The following IKBKB-DT variants were observed in gnomAD, a reference collection of about 807,000 sequenced individuals.
IKBKB-DT encodes IKBKB antisense RNA.
Position 42,262,691 on chromosome 8 carries a change from G to A in IKBKB-DT, n.1529+638C>T, listed in dbSNP as rs562409478. On this transcript the variant is annotated intron_variant and non_coding_transcript_variant, in intron 3 of 3. Transcript: ENST00000518213. ...CCTGACCTCGTGATCCGCCCGCCTC[G>A]GCCTCCCAAAGTGCTGGGATTACAG... Among the ~76,000 whole-genome samples, 11 of 151,900 alleles carry A rather than the reference G, an allele frequency of 7.2e-5. No individual in the cohort carries two copies. The East Asian group carries it at 1.6e-3, about 21-fold the overall frequency.
intron 3 of IKBKB-DT, among the ~76,000 whole-genome samples, chr8:42,257,643 C>G (rs1807223539): frequency 1.3e-5 from 2 of 150,316 alleles, no homozygotes; most frequent in South Asian, 4.2e-4. Context: ...GTCAAAAATG[C>G]CAAAAGACGG....
At chr8:42,239,897 C>T (rs1585459696) in intron 3 of IKBKB-DT, among the ~76,000 whole-genome samples, 1 of 151,566 alleles carries the variant, frequency 6.6e-6, no homozygotes, top group South Asian at 2.1e-4. Flanking sequence ...GCTCAGCCTC[C>T]CAAAGTGTTG....
chr8:42,266,198 G>A (rs1807366683), exon 2 of IKBKB-DT: 1 of 152,484 alleles, frequency 6.6e-6, no homozygotes, highest in Non-Finnish European at 1.5e-5. Context: ...AATCAGATGG[G>A]TCATGAAAGA....
intron 3 of IKBKB-DT, among the ~76,000 whole-genome samples, chr8:42,247,384 T>C (rs1807077225): frequency 6.6e-6 from 1 of 152,236 alleles, no homozygotes; most frequent in Non-Finnish European, 1.5e-5. Context: ...ATTTGCCCAA[T>C]GCCTGTACCT....
chr8:42,247,207 T>G (rs1316739533), intron 3 of IKBKB-DT, among the ~76,000 whole-genome samples: 1 of 152,068 alleles, frequency 6.6e-6, no homozygotes, highest in Non-Finnish European at 1.5e-5. Context: ...GCCACAGGGG[T>G]GGAGCTGCCC....
At chr8:42,237,926 G>A (rs13250110) in intron 3 of IKBKB-DT, among the ~76,000 whole-genome samples, 1 of 150,130 alleles carries the variant, frequency 6.7e-6, no homozygotes, top group Non-Finnish European at 1.5e-5. Context: ...TCCAGAGGCT[G>A]AGGTGGGAGG....
chr8:42,251,685 G>A (rs1168515603), intron 3 of IKBKB-DT, among the ~76,000 whole-genome samples: 1 of 152,044 alleles, frequency 6.6e-6, no homozygotes, highest in Admixed American at 6.6e-5. Flanking sequence ...ACAAAAATTA[G>A]CCAGGCATGG....
chr8:42,257,820 A>G (rs1442531381), intron 3 of IKBKB-DT, among the ~76,000 whole-genome samples: 1 of 152,142 alleles, frequency 6.6e-6, no homozygotes, highest in Non-Finnish European at 1.5e-5. Flanking sequence ...CAAAAGACTA[A>G]ATTTTTTGAT....
chr8:42,245,083 A>G (rs1008004794), intron 3 of IKBKB-DT, among the ~76,000 whole-genome samples: 20 of 151,528 alleles, frequency 1.3e-4, no homozygotes, highest in African/African-American at 3.9e-4. Context: ...CCCCGTCTCT[A>G]CTAAAATACA....
intron 1 of IKBKB-DT, among the ~76,000 whole-genome samples, chr8:42,268,941 C>T (rs1807421269): frequency 6.6e-6 from 1 of 152,148 alleles, no homozygotes; most frequent in Non-Finnish European, 1.5e-5. Flanking sequence ...AGTCACTATT[C>T]TACGTGTGTT....
At position 42,248,385 on chromosome 8, in the gene IKBKB-DT, T is replaced by A. The variant is rs111307504; in HGVS notation, n.1530-14526A>T. Among the ~76,000 whole-genome samples, 1,260 of 152,060 alleles carry A rather than the reference T, an allele frequency of 8.3e-3. 10 individuals are homozygous for A. Among genetic ancestry groups the A allele is most frequent in the Non-Finnish European group, 0.013 (866 of 67,988 alleles). ...CTGTCTTAGAGTATTGATACTACCA[T>A]TTGTTGTTCTGGCCATTTTTGCCAA... On this transcript the variant is annotated intron_variant and non_coding_transcript_variant, in intron 3 of 3. Coordinates refer to ENST00000518213, the Ensembl canonical transcript of IKBKB-DT.
intron 3 of IKBKB-DT, among the ~76,000 whole-genome samples, chr8:42,248,656 G>A (rs899071365): frequency 3.9e-5 from 6 of 151,966 alleles, no homozygotes; most frequent in African/African-American, 9.7e-5. Context: ...CAAGGCAGGC[G>A]GATCATGAGG....
chr8:42,256,080 T>C (rs563906414), intron 3 of IKBKB-DT, among the ~76,000 whole-genome samples: 20 of 151,490 alleles, frequency 1.3e-4, no homozygotes, highest in Non-Finnish European at 2.9e-4. Context: ...TGAGTAGTCA[T>C]GAAAATAAGA....
intron 3 of IKBKB-DT, among the ~76,000 whole-genome samples, chr8:42,253,924 G>T (rs925011233): frequency 2.0e-5 from 3 of 152,212 alleles, no homozygotes; most frequent in Non-Finnish European, 2.9e-5. Context: ...AAGGAAGGAG[G>T]AGGTAACGTG....
chr8:42,261,193 G>C (rs1024433426), intron 3 of IKBKB-DT, among the ~76,000 whole-genome samples: 1 of 152,060 alleles, frequency 6.6e-6, no homozygotes, highest in Non-Finnish European at 1.5e-5. Context: ...TGGATGTGCT[G>C]GTGTACACCT....
intron 3 of IKBKB-DT, chr8:42,263,317 C>T (rs115689350): frequency 0.023 from 3,529 of 152,262 alleles, 121 homozygotes; most frequent in South Asian, 0.14. Flanking sequence ...CCGGCCGACA[C>T]CACATTCTTA....
chr8:42,266,981 CTTTTTTTGTTTGTTT>C (rs1277308153), intron 1 of IKBKB-DT, among the ~76,000 whole-genome samples: 6 of 149,742 alleles, frequency 4.0e-5, no homozygotes, highest in Admixed American at 6.7e-5. Context: ...CCTTTACCTT[CTTTTTTTGTTTGTTT>C]TTTTTTTGTT....
chr8:42,261,430 C>T (rs1377543672), intron 3 of IKBKB-DT, among the ~76,000 whole-genome samples: 1 of 152,136 alleles, frequency 6.6e-6, no homozygotes, highest in Non-Finnish European at 1.5e-5. Context: ...TCCCTCTCCC[C>T]CTTGAGTGAA....
At chr8:42,269,517 A>C (rs1245367371) in intron 1 of IKBKB-DT, among the ~76,000 whole-genome samples, 3 of 102,024 alleles carry the variant, frequency 2.9e-5, no homozygotes, top group African/African-American at 1.2e-4. Flanking sequence ...AGGAGGAGAG[A>C]TAGGAAGGAA....
Sources: gnomAD v4.1 joint callset for allele counts (sites outside exome capture counted in the v4.1 genomes callset) on GRCh38, gnomAD v4.1.1 for gene constraint, MANE v1.5 for transcripts, NCBI Gene and HGNC (gene_info 2026-07-23, HGNC 2026-07-21) for gene names.